ADGRV1: variants seen among roughly 807,000 people sequenced by gnomAD.
ADGRV1 encodes the protein adhesion G protein-coupled receptor V1.
In ADGRV1, 359 loss-of-function variants were observed where a neutral mutation model predicts 596.2. The observed-to-expected ratio is 0.60, with a 90% CI of 0.55 to 0.66. The LOEUF (loss-of-function observed/expected upper bound fraction) is 0.66. ADGRV1 is among the 30% of genes least tolerant of loss of function. The pLI, the probability that ADGRV1 is intolerant of heterozygous loss-of-function variation, is 0.00. For missense variants in ADGRV1, 7,274 were observed against 7,575.6 expected (o/e 0.96, Z 1.48); for synonymous variants, 2,681 against 2,679.2 (o/e 1.00, Z -0.02).
intron 85 of ADGRV1, among the ~76,000 whole-genome samples, chr5:90,996,998 C>T (rs988928607): frequency 4.3e-4 from 65 of 152,104 alleles, no homozygotes; most frequent in African/African-American, 1.5e-3. Context: ...AAGTAACTAA[C>T]TTGTTTTTTA....
Position 90,706,240 on chromosome 5 carries a change from A to T in ADGRV1, c.8576A>T (p.Asn2859Ile). The change falls in exon 38 of 90, where the codon AAT becomes ATT. Residue 2859 changes from asparagine (N) to isoleucine (I), a missense_variant. By Grantham distance (149) the Asn-to-Ile change is moderately radical. Transcript: ENST00000405460. Reference protein sequence around the residue: ...NREFGSLGAINVTYTTVPGML... With the variant: ...NREFGSLGAIIVTYTTVPGML... Reference sequence around the variant, plus strand: ...CAACCTATTCAATTAGGAGCTATCAATGTCACATATACCACGGTTCCTGGA... The same window carrying T: ...CAACCTATTCAATTAGGAGCTATCATTGTCACATATACCACGGTTCCTGGA... 1.9e-6 allele frequency: 3 copies of T among 1,607,400 alleles called. No homozygotes were observed. Among genetic ancestry groups the T allele is most frequent in the South Asian group, 2.2e-5 (2 of 89,026 alleles).
intron 83 of ADGRV1, among the ~76,000 whole-genome samples, chr5:90,919,309 G>A (rs1203915850): frequency 1.3e-5 from 2 of 152,086 alleles, no homozygotes; most frequent in Non-Finnish European, 2.9e-5. Flanking sequence ...AGCCTTGCCC[G>A]ATCATAAAAG....
intron 1 of ADGRV1, among the ~76,000 whole-genome samples, chr5:90,564,925 C>CAT (rs1310189683): frequency 3.8e-5 from 1 of 26,112 alleles, no homozygotes; most frequent in Non-Finnish European, 7.4e-5. Context: ...CGCGCCCGGC[C>CAT]GGCGTTTAAT....
Position 90,848,748 on chromosome 5 carries a change from C to G in ADGRV1, c.17131C>G (p.His5711Asp). ...PKRKDTRGFSHFAEVTENFAF... is the reference protein window; with the variant it reads ...PKRKDTRGFSDFAEVTENFAF... ...GCGCAAGGACACTAGGGGATTCAGTCACTTTGCTGAAGTGACTGAGAATTT... is the reference window on the plus strand; with the variant it reads ...GCGCAAGGACACTAGGGGATTCAGTGACTTTGCTGAAGTGACTGAGAATTT... The change falls in exon 79 of 90, where the codon CAC becomes GAC. Residue 5711 changes from histidine to aspartate, a missense_variant. By Grantham distance (81) the His-to-Asp change is moderately conservative. Around this residue, in one of 5 missense-constraint regions of ADGRV1, gnomAD observed 1,874 missense variants for 1,970.2 expected, o/e 0.95. Coordinates refer to ENST00000405460, the MANE Select transcript of ADGRV1 (RefSeq NM_032119.4). The G allele has an allele frequency of 6.3e-7, 1 of 1,593,588 alleles. No homozygotes were observed.
At chr5:90,589,559 A>T (rs1276498989) in intron 1 of ADGRV1, among the ~76,000 whole-genome samples, 1 of 151,380 alleles carries the variant, frequency 6.6e-6, no homozygotes, top group Middle Eastern at 3.2e-3. Context: ...GCTTGTGTTG[A>T]TTAAGTGATA....
intron 52 of ADGRV1, among the ~76,000 whole-genome samples, chr5:90,748,451 G>A (rs1754869693): frequency 7.3e-6 from 1 of 137,538 alleles, no homozygotes; most frequent in African/African-American, 2.5e-5. Flanking sequence ...TGAGGAAATA[G>A]TTTACATTTT....
chr5:91,080,588 C>CAAAAAAAAAAAAA (rs10696264), intron 86 of ADGRV1, among the ~76,000 whole-genome samples: 1 of 84,488 alleles, frequency 1.2e-5, no homozygotes, highest in Non-Finnish European at 2.2e-5. Flanking sequence ...GCACACCCTG[C>CAAAAAAAAAAAAA]AAAAAAAAAA....
intron 83 of ADGRV1, among the ~76,000 whole-genome samples, chr5:90,867,397 A>G (rs1278561301): frequency 6.6e-6 from 1 of 152,166 alleles, no homozygotes; most frequent in African/African-American, 2.4e-5. Flanking sequence ...TTAGGGGTCT[A>G]TTCTCTGGAA....
rs1017291991 is a variant in ADGRV1 at position 90,661,595 on chromosome 5, C to A, written c.4752+3317C>A. 2.0e-5 allele frequency among the ~76,000 whole-genome samples: 3 copies of A among 152,094 alleles called. No homozygotes were observed. In the East Asian group the frequency reaches 5.8e-4, roughly 29 times the overall value. On this transcript the variant is annotated intron_variant, in intron 21 of 89. Coordinates refer to ENST00000405460, the MANE Select transcript of ADGRV1 (RefSeq NM_032119.4). Reference sequence around the variant, plus strand: ...GGTTCAGAATACTGCATTATTTTTTCTAAGAAAATAGGTTTCAAAAACTCG... The same window carrying A: ...GGTTCAGAATACTGCATTATTTTTTATAAGAAAATAGGTTTCAAAAACTCG...
intron 70 of ADGRV1, among the ~76,000 whole-genome samples, chr5:90,799,515 A>C (rs1761121331): frequency 6.6e-6 from 1 of 152,222 alleles, no homozygotes; most frequent in African/African-American, 2.4e-5. Flanking sequence ...AAAGTAATTT[A>C]TAGATTCAGT....
At chr5:90,578,921 G>A (rs1242980518) in intron 1 of ADGRV1, among the ~76,000 whole-genome samples, 1 of 152,134 alleles carries the variant, frequency 6.6e-6, no homozygotes. Context: ...AGTATTCTCT[G>A]ATGGTAGTTT....
intron 85 of ADGRV1, among the ~76,000 whole-genome samples, chr5:91,021,254 C>T (rs186329554): frequency 2.5e-3 from 387 of 152,094 alleles, no homozygotes; most frequent in Non-Finnish European, 4.3e-3. Flanking sequence ...TTTTGAAGAG[C>T]TATAATGTAA....
At chr5:90,874,419 A>T (rs1231450833) in intron 83 of ADGRV1, among the ~76,000 whole-genome samples, 6 of 152,016 alleles carry the variant, frequency 3.9e-5, no homozygotes, top group African/African-American at 1.2e-4. Flanking sequence ...TCCATATCTA[A>T]ATTTTCTTGT....
chr5:91,074,788 C>T (rs1047642311), intron 86 of ADGRV1, among the ~76,000 whole-genome samples: 5 of 152,206 alleles, frequency 3.3e-5, no homozygotes, highest in African/African-American at 1.2e-4. Flanking sequence ...TACATTCCTA[C>T]CAGTAGTGTA....
Position 90,660,165 on chromosome 5 carries a change from AT to A in ADGRV1, c.4752+1895del, listed in dbSNP as rs901930992. Among the ~76,000 whole-genome samples the A allele has an allele frequency of 7.2e-5, 11 of 151,944 alleles. No individual in the cohort carries two copies. The South Asian group carries it at 8.3e-4, about 11-fold the overall frequency. On this transcript the variant is annotated intron_variant, in intron 21 of 89. Coordinates refer to ENST00000405460, the MANE Select transcript of ADGRV1 (RefSeq NM_032119.4). ...ATAAAATAATACCCCCTTATCACTAATTTTTTTTCGAGAACTGTAGTTATTT... is the reference window on the plus strand; with the variant it reads ...ATAAAATAATACCCCCTTATCACTAATTTTTTTCGAGAACTGTAGTTATTT...
chr5:90,779,268 G>T, intron 64 of ADGRV1, 171 bp downstream of exon 64: 8 of 364,162 alleles, frequency 2.2e-5, no homozygotes, highest in East Asian at 8.5e-5. Flanking sequence ...CAATGACTGA[G>T]TTTTTTTTTT....
intron 83 of ADGRV1, among the ~76,000 whole-genome samples, chr5:90,891,083 AT>A (rs544877454): frequency 3.3e-5 from 5 of 150,860 alleles, no homozygotes; most frequent in Admixed American, 6.6e-5. Flanking sequence ...CATCTGTAAC[AT>A]TTTTTTTCTT....
At chr5:90,801,148 A>C (rs1413814005) in intron 70 of ADGRV1, among the ~76,000 whole-genome samples, 1 of 152,222 alleles carries the variant, frequency 6.6e-6, no homozygotes, top group African/African-American at 2.4e-5. Context: ...CGGAAATGGA[A>C]GAGCGTATTG....
chr5:91,054,102 T>TGAGAGAGAGAGA (rs3079380), intron 85 of ADGRV1, among the ~76,000 whole-genome samples: 24 of 126,738 alleles, frequency 1.9e-4, no homozygotes, highest in African/African-American at 6.9e-4. Flanking sequence ...TGTGTGTGTG[T>TGAGAGAGAGAGA]GAGAGAGAGA....
Sources: gnomAD v4.1 joint callset for allele counts (sites outside exome capture counted in the v4.1 genomes callset) on GRCh38, gnomAD v4.1.1 for gene constraint, gnomAD v4.1.1 regional missense constraint, MANE v1.5 for transcripts, NCBI Gene and HGNC (gene_info 2026-07-23, HGNC 2026-07-21) for gene names.